SPATC1: variants seen among roughly 807,000 people sequenced by gnomAD.
SPATC1 encodes speriolin.
A neutral mutation model predicts 36.5 loss-of-function variants in SPATC1; 35 were observed. The observed-to-expected ratio is 0.96, with a 90% confidence interval of 0.73 to 1.27. The LOEUF is 1.27. Among genes scored for constraint, SPATC1 ranks in the 50% most tolerant of loss-of-function variants. SPATC1 has a pLI of 0.00. For synonymous variants in SPATC1, 361 were observed against 353.6 expected, an observed-to-expected ratio of 1.02 and a Z score of -0.24; for missense variants, 779 against 796.0, an observed-to-expected ratio of 0.98 and a Z score of 0.26.
In SPATC1 at chr8:144,045,015, G is replaced by A. The variant is rs1416030432; in HGVS notation, c.1447-1612G>A. On this transcript the variant is annotated intron_variant, in intron 4 of 4. Transcript: ENST00000377470. The surrounding 1 kb of genome is among the most constrained non-coding windows in gnomAD (Gnocchi z 5.2). The stretch of plus-strand genomic sequence containing the variant: ...GAGTGCACTGCCATCCCCCAAGGTG[G>A]GGGCCCCTGCGTGCCCTGGTGCTCA... Among the ~76,000 whole-genome samples, 5 of 152,226 alleles carry A rather than the reference G, an allele frequency of 3.3e-5. No individual in the cohort carries two copies. Among genetic ancestry groups the A allele is most frequent in the Non-Finnish European group, 2.9e-5 (2 of 68,028 alleles).
intron 1 of SPATC1, among the ~76,000 whole-genome samples, chr8:144,029,398 C>A (rs1378069072): frequency 6.6e-6 from 1 of 151,700 alleles, no homozygotes; most frequent in African/African-American, 2.4e-5. Context: ...GTTGAAACCC[C>A]ATCTCTACTA....
chr8:144,033,071 C>CAA (rs1305550907), intron 1 of SPATC1, among the ~76,000 whole-genome samples: 18 of 128,414 alleles, frequency 1.4e-4, no homozygotes, highest in East Asian at 4.9e-4. Context: ...CAACAAACAG[C>CAA]AAAAAAAAAA....
Position 144,041,105 on chromosome 8 carries a change from G to A in SPATC1, c.1304G>A (p.Arg435Gln), listed in dbSNP as rs185225551. ...ACCAGCAAGTTCCCCGAGAACCCCCGAGGTCAGTGACACTGCGGGCTCCAC... is the reference window on the plus strand; with the variant it reads ...ACCAGCAAGTTCCCCGAGAACCCCCAAGGTCAGTGACACTGCGGGCTCCAC... ...RKTSKFPENP[R>Q]ESKQLAWERL... The change falls in exon 3 of 5, where the codon CGA becomes CAA. Residue 435 changes from arginine (R) to glutamine (Q), a missense_variant and splice_region_variant. Transcript: ENST00000377470. The A allele has an allele frequency of 3.4e-5, 53 of 1,579,570 alleles. No homozygotes were observed. The East Asian group carries it at 6.7e-4, about 20-fold the overall frequency.
chr8:144,033,386 C>A (rs993469042), intron 1 of SPATC1, among the ~76,000 whole-genome samples: 1 of 150,626 alleles, frequency 6.6e-6, no homozygotes, highest in African/African-American at 2.4e-5. Flanking sequence ...GCAACAAGAG[C>A]GAGACTCCGT....
In SPATC1 at chr8:144,041,104, C is replaced by T. The variant is rs782739842; in HGVS notation, c.1303C>T (p.Arg435Ter). ...RKTSKFPENP[R>*]ESKQLAWERL... is the part of the protein sequence containing the mutation. ...GACCAGCAAGTTCCCCGAGAACCCC[C>T]GAGGTCAGTGACACTGCGGGCTCCA... Residue 435 changes from arginine (R) to a stop codon, truncating the protein, a stop_gained, in exon 3 of 5, where the codon CGA (arginine) becomes TGA (stop). Coordinates refer to ENST00000377470, the MANE Select transcript of SPATC1 (RefSeq NM_198572.3). LOFTEE classifies it high-confidence loss of function. 21 of 1,580,062 alleles carry T rather than the reference C, an allele frequency of 1.3e-5. No individual in the cohort carries two copies. The South Asian group carries it at 1.5e-4, about 11-fold the overall frequency.
chr8:144,040,860 C>T lies in SPATC1; in HGVS notation c.1059C>T (p.Ser353=), dbSNP rs1554755825. Residue 353 remains serine, a synonymous_variant, in exon 3 of 5, where the codon AGC becomes AGT. Transcript: ENST00000377470. ...TTGCCACCAGCTACACACCCTCAAG[C>T]ACCACCCACATCGCCCAGGGTGCCC... ...PQVATSYTPS[S]TTHIAQGAPH... 19 of 1,586,732 alleles carry T rather than the reference C, an allele frequency of 1.2e-5. No individual in the cohort carries two copies. The highest frequency in any genetic ancestry group is 1.6e-5 in the Non-Finnish European group (19 of 1,166,616).
At chr8:144,027,166 G>T (rs1041888322) in intron 1 of SPATC1, among the ~76,000 whole-genome samples, 5,185 of 151,752 alleles carry the variant, frequency 0.034, 313 homozygotes, top group African/African-American at 0.12. Context: ...TAGAGACAAG[G>T]TCTCACTATG....
chr8:144,034,768 C>A (rs1275839360), intron 1 of SPATC1, among the ~76,000 whole-genome samples: 1 of 152,034 alleles, frequency 6.6e-6, no homozygotes, highest in East Asian at 1.9e-4. Flanking sequence ...ACTATAGGCA[C>A]ACACCAACAC....
At chr8:144,032,544 G>C (rs1166272059) in intron 1 of SPATC1, among the ~76,000 whole-genome samples, 5 of 152,146 alleles carry the variant, frequency 3.3e-5, no homozygotes, top group Non-Finnish European at 7.3e-5. Context: ...CCAAAGTGCT[G>C]GGATTACAGA....
intron 4 of SPATC1, among the ~76,000 whole-genome samples, chr8:144,041,818 C>T (rs782217535): frequency 1.8e-4 from 28 of 152,290 alleles, no homozygotes; most frequent in African/African-American, 5.8e-4. Flanking sequence ...GCTGCATTCC[C>T]GGCTGCTTTT....
chr8:144,014,486 G>C lies in SPATC1; in HGVS notation c.211+1760G>C, dbSNP rs541539480. On this transcript the variant is annotated intron_variant, in intron 1 of 4. Transcript: ENST00000377470. ...CAAAAGAAAAGAAGAAGGAAGGAAG[G>C]AAAGAAGGAAGGAAGGAAAGAAATC... 1.1e-3 allele frequency among the ~76,000 whole-genome samples: 168 copies of C among 150,566 alleles called. 1 individual carries two copies. The highest frequency in any genetic ancestry group is 3.9e-3 in the African/African-American group (161 of 40,936).
chr8:144,045,060 CCTGTAACCCCCAGTACA>C lies in SPATC1; in HGVS notation c.1447-1564_1447-1548del, dbSNP rs1564282832. On this transcript the variant is annotated intron_variant, in intron 4 of 4. Coordinates refer to ENST00000377470, the MANE Select transcript of SPATC1 (RefSeq NM_198572.3). The surrounding 1 kb of genome is among the most constrained non-coding windows in gnomAD (Gnocchi z 5.2). ...TGCTCAGTGCTCACTGGGGCCGCTG[CCTGTAACCCCCAGTACA>C]CTCCTGCAGGAGGCACTGTGATTTC... Among the ~76,000 whole-genome samples the C allele has an allele frequency of 6.6e-6, 1 of 152,230 alleles. No homozygotes were observed. Among genetic ancestry groups the C allele is most frequent in the East Asian group, 1.9e-4 (1 of 5,188 alleles).
At chr8:144,014,113 G>A (rs965881015) in intron 1 of SPATC1, among the ~76,000 whole-genome samples, 4 of 152,044 alleles carry the variant, frequency 2.6e-5, no homozygotes, top group South Asian at 4.1e-4. Flanking sequence ...TTAGCCAGGC[G>A]TGGTGGCACA....
In SPATC1 at chr8:144,046,866, G is replaced by A. The variant is rs782407244; in HGVS notation, c.1686G>A (p.Val562=). The change falls in exon 5 of 5, where the codon GTG becomes GTA. Residue 562 remains valine (V), a synonymous_variant. Coordinates refer to ENST00000377470, the MANE Select transcript of SPATC1 (RefSeq NM_198572.3). The surrounding 1 kb of genome is among the most constrained non-coding windows in gnomAD (Gnocchi z 6.6). ...TGCAGCGTGTGGTGGTGGAGACCGT[G>A]CACCCCGGCATGCTCGCCGACGCGC... is the stretch of plus-strand genomic sequence containing the variant. ...DFLQRVVVET[V]HPGMLADALL... 6.2e-7 allele frequency: 1 copy of A among 1,601,086 alleles called. No individual in the cohort carries two copies. Among genetic ancestry groups the A allele is most frequent in the South Asian group, 1.1e-5 (1 of 91,076 alleles).
At chr8:144,018,007 A>G (rs1444234693) in intron 1 of SPATC1, among the ~76,000 whole-genome samples, 5 of 152,174 alleles carry the variant, frequency 3.3e-5, no homozygotes, top group African/African-American at 9.7e-5. Flanking sequence ...ATTCAAGCTG[A>G]GGTAGGGGGC....
chr8:144,040,165 C>G lies in SPATC1; in HGVS notation c.468C>G (p.Ser156=). The change falls in exon 2 of 5, where the codon TCC becomes TCG. Residue 156 remains serine, a synonymous_variant. Transcript: ENST00000377470. ...CCCTAACAGGCACACTGGCCAGTTC[C>G]CTGGGCCTGCCCTCCACTGGCACCC... The part of the protein sequence containing the change: ...AGPLTGTLAS[S]LGLPSTGTLT... The G allele has an allele frequency of 6.2e-7, 1 of 1,610,102 alleles. No homozygotes were observed. Among genetic ancestry groups the G allele is most frequent in the South Asian group, 1.1e-5 (1 of 90,750 alleles).
intron 4 of SPATC1, among the ~76,000 whole-genome samples, chr8:144,041,824 C>T (rs1835109712): frequency 6.6e-6 from 1 of 152,136 alleles, no homozygotes; most frequent in Non-Finnish European, 1.5e-5. Flanking sequence ...TTCCCGGCTG[C>T]TTTTTCTCTC....
chr8:144,026,510 T>C lies in SPATC1; in HGVS notation c.212-13399T>C, dbSNP rs1834680879. Among the ~76,000 whole-genome samples, 3 of 152,272 alleles carry C rather than the reference T, an allele frequency of 2.0e-5. No individual in the cohort carries two copies. The South Asian group carries it at 6.2e-4, about 32-fold the overall frequency. On this transcript the variant is annotated intron_variant, in intron 1 of 4. Coordinates refer to ENST00000377470, the MANE Select transcript of SPATC1 (RefSeq NM_198572.3). ...CATATGGTAACTCTATGTTCAACTG[T>C]TTAAGGAACTGCCAGATTGTTTTTC...
chr8:144,027,007 G>GTTTTTTTTTTT (rs1375778377), intron 1 of SPATC1, among the ~76,000 whole-genome samples: 1 of 133,748 alleles, frequency 7.5e-6, no homozygotes. Context: ...TTTTTTTTTG[G>GTTTTTTTTTTT]ATTTTTAGTA....
Sources: allele counts gnomAD v4.1 joint callset (sites outside exome capture counted in the v4.1 genomes callset), GRCh38; gene constraint gnomAD v4.1.1; non-coding constraint Gnocchi (gnomAD v3.1); transcripts MANE v1.5; gene names NCBI Gene and HGNC (gene_info 2026-07-23, HGNC 2026-07-21).